Variants in SLC3A1 observed in about 807,000 individuals in gnomAD.
SLC3A1 encodes amino acid transporter heavy chain SLC3A1.
SLC3A1 carries 78 observed loss-of-function variants against 60.3 expected under a neutral mutation model. The observed-to-expected ratio is 1.29, with a 90% CI of 1.08 to 1.56. The LOEUF is 1.56. Among genes scored for constraint, SLC3A1 ranks in the 40% most tolerant of loss-of-function variants. SLC3A1 has a pLI of 0.00. For missense variants in SLC3A1, 1,172 were observed against 858.9 expected, an observed-to-expected ratio of 1.36 and a Z score of -4.56; for synonymous variants, 392 against 307.9, an observed-to-expected ratio of 1.27 and a Z score of -2.86.
Position 44,320,276 on chromosome 2 carries a change from C to T in SLC3A1, c.1695C>T (p.Leu565=). 1 of 1,614,100 alleles carries T rather than the reference C, an allele frequency of 6.2e-7. No homozygotes were observed. The highest frequency in any genetic ancestry group is 8.5e-7 in the Non-Finnish European group (1 of 1,179,954). Residue 565 remains leucine, a synonymous_variant, in exon 10 of 10, where the codon CTC becomes CTT. Transcript: ENST00000260649. Reference sequence around the variant, plus strand: ...TACTTCATGCCAATGAGCTACTCCTCAACAGGGGCTGGTTTTGCCATTTGA... The same window carrying T: ...TACTTCATGCCAATGAGCTACTCCTTAACAGGGGCTGGTTTTGCCATTTGA... The part of the protein sequence containing the change: ...LSLLHANELL[L]NRGWFCHLRN...
chr2:44,287,388 A>C (rs1232799094), intron 4 of SLC3A1, among the ~76,000 whole-genome samples: 1 of 152,130 alleles, frequency 6.6e-6, no homozygotes, highest in Non-Finnish European at 1.5e-5. Flanking sequence ...ACAAATGGAA[A>C]GGTCCCGAGG....
chr2:44,316,343 ATC>A (rs1672452441), intron 9 of SLC3A1: 2 of 152,210 alleles, frequency 1.3e-5, no homozygotes. Context: ...AAGTGATTAG[ATC>A]TCTCAGAAGT....
At chr2:44,316,034 A>AG (rs1023264004) in intron 9 of SLC3A1, among the ~76,000 whole-genome samples, 10 of 152,208 alleles carry the variant, frequency 6.6e-5, no homozygotes. Flanking sequence ...ACCTTCAAGT[A>AG]GGAAAAGAAC....
intron 9 of SLC3A1, chr2:44,319,761 C>T (rs1204717453): frequency 1.2e-5 from 2 of 162,618 alleles, no homozygotes; most frequent in African/African-American, 4.8e-5. Context: ...CAACAGCAAC[C>T]TACACATTAG....
Position 44,275,731 on chromosome 2 carries a change from G to T in SLC3A1, c.196G>T (p.Ala66Ser). Residue 66 changes from alanine to serine, a missense_variant, in exon 1 of 10, where the codon GCG becomes TCG. Transcript: ENST00000260649. ...EPDFKGVQPY[A>S]GMPKEVLFQF... ...CGACTTCAAGGGCGTCCAGCCCTAT[G>T]CGGGGATGCCCAAGGAGGTGCTGTT... 1 of 1,614,236 alleles carries T rather than the reference G, an allele frequency of 6.2e-7. No homozygotes were observed. The highest frequency in any genetic ancestry group is 8.5e-7 in the Non-Finnish European group (1 of 1,180,026).
chr2:44,316,351 G>C (rs1672453095), intron 9 of SLC3A1: 1 of 152,296 alleles, frequency 6.6e-6, no homozygotes, highest in South Asian at 2.1e-4. Context: ...AGATCTCTCA[G>C]AAGTATAAAA....
intron 5 of SLC3A1, among the ~76,000 whole-genome samples, chr2:44,300,604 G>T (rs570967846): frequency 6.6e-6 from 1 of 152,236 alleles, no homozygotes; most frequent in African/African-American, 2.4e-5. Flanking sequence ...TGATGGTAAA[G>T]AAACAAATTT....
chr2:44,320,705 A>T lies in SLC3A1; in HGVS notation c.*66A>T, dbSNP rs1282453261. 2 of 1,170,628 alleles carry T rather than the reference A, an allele frequency of 1.7e-6. No individual in the cohort carries two copies. Among genetic ancestry groups the T allele is most frequent in the Non-Finnish European group, 2.6e-6 (2 of 777,732 alleles). 72.5% of individuals were successfully genotyped at this position (1,170,628 alleles called of 1,614,324 possible). A position where few individuals can be genotyped will look rare whatever the true frequency, so the allele number is the denominator to read the frequency against. On this transcript the variant is annotated 3_prime_UTR_variant, in exon 10 of 10. Coordinates refer to ENST00000260649, the MANE Select transcript of SLC3A1 (RefSeq NM_000341.4). ...GATTGTAAGCATTTGTAATAGCTTCATGTACAGCATGCTGCTTGGTGAACA... is the reference window on the plus strand; with the variant it reads ...GATTGTAAGCATTTGTAATAGCTTCTTGTACAGCATGCTGCTTGGTGAACA...
intron 3 of SLC3A1, among the ~76,000 whole-genome samples, chr2:44,284,044 C>T (rs2104339195): frequency 6.6e-6 from 1 of 151,544 alleles, no homozygotes; most frequent in South Asian, 2.1e-4. Context: ...TTACTATAAA[C>T]ACTGTCATTA....
chr2:44,294,338 C>G lies in SLC3A1; in HGVS notation c.892-5633C>G, dbSNP rs529149593. Among the ~76,000 whole-genome samples the G allele has an allele frequency of 2.6e-5, 4 of 152,036 alleles. 1 individual carries two copies. The East Asian group carries it at 7.7e-4, about 29-fold the overall frequency. On this transcript the variant is annotated intron_variant, in intron 4 of 9. Transcript: ENST00000260649. ...TGGTCAACATGGTGAAACTCCATCT[C>G]TACTAAAAATACAAAAATTAGCCAG...
intron 1 of SLC3A1, among the ~76,000 whole-genome samples, chr2:44,276,409 A>AT (rs34105578): frequency 5.3e-5 from 8 of 152,166 alleles, no homozygotes; most frequent in Non-Finnish European, 8.8e-5. Context: ...CATAAATAAT[A>AT]TTTTTTTAAA....
intron 9 of SLC3A1, chr2:44,319,776 C>T (rs1672768501): frequency 5.7e-6 from 1 of 174,544 alleles, no homozygotes; most frequent in Non-Finnish European, 1.2e-5. Flanking sequence ...CATTAGTCTA[C>T]AAAGGGGAAC....
Position 44,304,247 on chromosome 2 carries a change from G to A in SLC3A1, c.1241G>A (p.Ser414Asn), listed in dbSNP as rs1672094234. 6.2e-7 allele frequency: 1 copy of A among 1,614,034 alleles called. No homozygotes were observed. The highest frequency in any genetic ancestry group is 1.1e-5 in the South Asian group (1 of 91,086). Residue 414 changes from serine (S) to asparagine (N), a missense_variant, in exon 7 of 10, where the codon AGC becomes AAC. Ser to Asn is a conservative substitution (Grantham distance 46). Transcript: ENST00000260649. ...EADFPFNNYL[S>N]MLDTVSGNSV... ...GATTTTCCCTTCAACAATTACCTCA[G>A]CATGCTAGACACTGTTTCTGGGAAC...
At position 44,304,155 on chromosome 2, in the gene SLC3A1, T is replaced by G; in HGVS notation, c.1149T>G (p.Thr383=). The change falls in exon 7 of 10, where the codon ACT becomes ACG. Residue 383 remains threonine, a synonymous_variant. Transcript: ENST00000260649. ...TEPGRYRFMG[T]EAYAESIDRT... ...TCAACTCTTATAGGTTCATGGGGACTGAAGCCTATGCAGAGAGTATTGACA... is the reference window on the plus strand; with the variant it reads ...TCAACTCTTATAGGTTCATGGGGACGGAAGCCTATGCAGAGAGTATTGACA... The G allele has an allele frequency of 3.1e-6, 5 of 1,614,028 alleles. No homozygotes were observed. Among genetic ancestry groups the G allele is most frequent in the Non-Finnish European group, 3.4e-6 (4 of 1,179,868 alleles).
At chr2:44,314,294 A>G in intron 9 of SLC3A1, 1 of 540,560 alleles carries the variant, frequency 1.8e-6, no homozygotes, top group Middle Eastern at 4.9e-4. Flanking sequence ...AGGCAGGGAG[A>G]GAGGCGAGTG....
At chr2:44,303,562 G>T (rs947552548) in intron 6 of SLC3A1, among the ~76,000 whole-genome samples, 1 of 151,618 alleles carries the variant, frequency 6.6e-6, no homozygotes, top group African/African-American at 2.4e-5. Flanking sequence ...TTTTTTTTGG[G>T]GGGGGTGGAT....
intron 1 of SLC3A1, among the ~76,000 whole-genome samples, chr2:44,278,274 C>G (rs1671396229): frequency 6.6e-6 from 1 of 151,598 alleles, no homozygotes; most frequent in African/African-American, 2.4e-5. Context: ...GAAACCCCGT[C>G]TCTACTAAAA....
intron 9 of SLC3A1, chr2:44,319,336 C>CT (rs536058926): frequency 5.9e-5 from 9 of 152,576 alleles, no homozygotes; most frequent in Non-Finnish European, 1.5e-5. Flanking sequence ...TGCCCATACT[C>CT]TTTGACAAAG....
intron 8 of SLC3A1, 174 bp downstream of exon 8, chr2:44,312,927 G>C: frequency 3.3e-6 from 2 of 601,874 alleles, no homozygotes; most frequent in Non-Finnish European, 5.8e-6. Flanking sequence ...GGTGGTCTGA[G>C]AGCTTATTTT....
Sources: gnomAD v4.1 joint callset for allele counts (sites outside exome capture counted in the v4.1 genomes callset) on GRCh38, gnomAD v4.1.1 for gene constraint, MANE v1.5 for transcripts, NCBI Gene and HGNC (gene_info 2026-07-23, HGNC 2026-07-21) for gene names.